The following HYAL4 variants were observed in gnomAD, a reference collection of about 807,000 sequenced individuals.
HYAL4 encodes hyaluronidase 4, also known as hyaluronidase-4.
A neutral mutation model predicts 35.2 loss-of-function variants in HYAL4; 37 were observed. The observed-to-expected ratio is 1.05, with a 90% confidence interval of 0.81 to 1.38. The LOEUF (loss-of-function observed/expected upper bound fraction) is 1.38. HYAL4 is among the 40% of genes most tolerant of loss of function. The pLI is 0.00. For missense variants in HYAL4, 572 were observed against 572.4 expected (o/e 1.00, Z 0.01); for synonymous variants, 198 against 203.2 (o/e 0.97, Z 0.22).
chr7:123,869,686 GT>G (rs113461247), intron 3 of HYAL4, among the ~76,000 whole-genome samples: 2,462 of 141,058 alleles, frequency 0.017, 47 homozygotes, highest in African/African-American at 0.048. Context: ...TCTTTGTTTT[GT>G]TTTTTTTTTT....
chr7:123,869,756 C>T (rs1190486688), intron 3 of HYAL4, among the ~76,000 whole-genome samples: 3 of 151,284 alleles, frequency 2.0e-5, no homozygotes, highest in South Asian at 2.1e-4. Flanking sequence ...GATGCAATCT[C>T]GGCTCACTGC....
intron 1 of HYAL4, among the ~76,000 whole-genome samples, chr7:123,832,568 C>T (rs916747908): frequency 3.0e-5 from 4 of 132,226 alleles, no homozygotes; most frequent in Admixed American, 9.0e-5. Flanking sequence ...GGTGCCATCT[C>T]GGTTCACAGC....
At chr7:123,776,577 C>A in the HYAL4 span, among the ~76,000 whole-genome samples, 1 of 152,064 alleles carries the variant, frequency 6.6e-6, no homozygotes, top group African/African-American at 2.4e-5. Flanking sequence ...CCACGCCTGG[C>A]TAATTTTTAT....
At chr7:123,808,754 C>T in the HYAL4 span, among the ~76,000 whole-genome samples, 1 of 152,094 alleles carries the variant, frequency 6.6e-6, no homozygotes, top group South Asian at 2.1e-4. Flanking sequence ...TCTCACAGTT[C>T]TGGAGGCTGA....
At chr7:123,786,954 A>C in the HYAL4 span, among the ~76,000 whole-genome samples, 3 of 151,946 alleles carry the variant, frequency 2.0e-5, no homozygotes, top group Admixed American at 2.0e-4. Context: ...CTAAAAATAC[A>C]AAAATTAGCC....
chr7:123,763,763 A>G, the HYAL4 span, among the ~76,000 whole-genome samples: 1 of 152,178 alleles, frequency 6.6e-6, no homozygotes, highest in African/African-American at 2.4e-5. Flanking sequence ...TTACCATGAC[A>G]TGTAAGGCCC....
chr7:123,857,564 C>T (rs1806470093), intron 2 of HYAL4, among the ~76,000 whole-genome samples: 1 of 152,076 alleles, frequency 6.6e-6, no homozygotes, highest in South Asian at 2.1e-4. Context: ...GTTGGAAATG[C>T]AGAAATCACC....
the HYAL4 span, among the ~76,000 whole-genome samples, chr7:123,782,455 C>T: frequency 5.3e-5 from 8 of 151,684 alleles, no homozygotes; most frequent in Non-Finnish European, 1.0e-4. Flanking sequence ...TAATAGCAGA[C>T]GGGTATTGAC....
chr7:123,799,869 T>C, the HYAL4 span, among the ~76,000 whole-genome samples: 1 of 151,978 alleles, frequency 6.6e-6, no homozygotes, highest in Non-Finnish European at 1.5e-5. Context: ...TAACTAAAAA[T>C]AGAAGTCTTG....
chr7:123,854,922 A>G (rs1016738960), intron 2 of HYAL4, among the ~76,000 whole-genome samples: 3 of 152,160 alleles, frequency 2.0e-5, no homozygotes, highest in Non-Finnish European at 4.4e-5. Flanking sequence ...GGGTGCATAT[A>G]TATTTAGGAC....
At chr7:123,865,622 G>A (rs953114387) in intron 2 of HYAL4, among the ~76,000 whole-genome samples, 1 of 152,150 alleles carries the variant, frequency 6.6e-6, no homozygotes, top group African/African-American at 2.4e-5. Flanking sequence ...CTTCTTAAAT[G>A]TCTTTGGAGG....
the HYAL4 span, among the ~76,000 whole-genome samples, chr7:123,764,009 G>C: frequency 2.6e-5 from 4 of 152,314 alleles, no homozygotes; most frequent in East Asian, 7.7e-4. Flanking sequence ...TTTTGAGACA[G>C]TTTCACTCCA....
chr7:123,808,990 T>C, the HYAL4 span, among the ~76,000 whole-genome samples: 12 of 152,202 alleles, frequency 7.9e-5, no homozygotes, highest in Non-Finnish European at 1.5e-4. Flanking sequence ...TTTCAACATA[T>C]GAATTTTGAG....
chr7:123,833,895 A>G (rs1484821915), intron 1 of HYAL4, among the ~76,000 whole-genome samples: 1 of 152,080 alleles, frequency 6.6e-6, no homozygotes, highest in Non-Finnish European at 1.5e-5. Context: ...AGCTGACTGT[A>G]AGTATTTGGG....
the HYAL4 span, among the ~76,000 whole-genome samples, chr7:123,800,477 A>T: frequency 3.1e-3 from 328 of 104,980 alleles, 2 homozygotes; most frequent in African/African-American, 0.01. Flanking sequence ...CCTGAAAATT[A>T]AAAAAAAAAA....
At chr7:123,797,616 G>A in the HYAL4 span, among the ~76,000 whole-genome samples, 1 of 152,202 alleles carries the variant, frequency 6.6e-6, no homozygotes. Context: ...GGCCTCTGCT[G>A]ATAAGTACTA....
intron 3 of HYAL4, among the ~76,000 whole-genome samples, chr7:123,872,064 T>C (rs1350881530): frequency 6.6e-6 from 1 of 152,192 alleles, no homozygotes; most frequent in East Asian, 1.9e-4. Flanking sequence ...ATGGACATAT[T>C]GAGTAGTGGT....
the HYAL4 span, among the ~76,000 whole-genome samples, chr7:123,789,234 G>T: frequency 6.6e-6 from 1 of 152,200 alleles, no homozygotes; most frequent in African/African-American, 2.4e-5. Context: ...AATTTAGGAC[G>T]TGAAGTGATA....
the HYAL4 span, chr7:123,790,586 CTT>C: frequency 1.9e-4 from 22 of 118,308 alleles, no homozygotes; most frequent in East Asian, 2.4e-4. Context: ...AAAGACATGC[CTT>C]TTTTTTTTTT....
Sources: gnomAD v4.1 joint callset for allele counts (sites outside exome capture counted in the v4.1 genomes callset) on GRCh38, gnomAD v4.1.1 for gene constraint, MANE v1.5 for transcripts, NCBI Gene and HGNC (gene_info 2026-07-23, HGNC 2026-07-21) for gene names.